The following PRL variants were observed in gnomAD, a reference collection of about 807,000 sequenced individuals.
PRL encodes decidual prolactin.
Under a neutral mutation model 21.3 loss-of-function variants are expected in PRL, and 24 were observed. That is an observed-to-expected ratio of 1.13 (90% CI 0.82 to 1.59). The LOEUF (loss-of-function observed/expected upper bound fraction) is 1.59, where lower values mean the gene tolerates loss of function less well. Ranked by LOEUF, PRL falls within the 40% of genes most tolerant of loss-of-function variation. The pLI is 0.00. For missense variants in PRL, 243 were observed against 286.9 expected, an observed-to-expected ratio of 0.85 and a Z score of 1.10; for synonymous variants, 118 against 115.7, an observed-to-expected ratio of 1.02 and a Z score of -0.13.
In PRL at chr6:22,288,885, CGT is replaced by C. The variant is rs1156374361; in HGVS notation, c.492+1287_492+1288del. ...GTGTGTGTGTGTGTATGCGCGTGCG[CGT>C]GTGTGTGCGTGTGTGCGCGCGCGTG... On this transcript the variant is annotated intron_variant, in intron 4 of 4. Coordinates refer to ENST00000306482, the MANE Select transcript of PRL (RefSeq NM_000948.6). The surrounding 1 kb of genome is among the most constrained non-coding windows in gnomAD (Gnocchi z 4.5). 6.6e-5 allele frequency among the ~76,000 whole-genome samples: 10 copies of C among 151,076 alleles called. No homozygotes were observed. The highest frequency in any genetic ancestry group is 1.3e-4 in the Admixed American group (2 of 15,186).
chr6:22,297,781 A>C (rs911404784), upstream of PRL, among the ~76,000 whole-genome samples: 12 of 152,224 alleles, frequency 7.9e-5, no homozygotes, highest in African/African-American at 2.9e-4. Context: ...AAAGGTAAAG[A>C]ATATGAAAGA....
intron 3 of PRL, 93 bp from the exon 4 acceptor site, chr6:22,290,446 T>A (rs1048387767): frequency 4.9e-6 from 5 of 1,018,472 alleles, no homozygotes; most frequent in Non-Finnish European, 6.6e-6. Context: ...TGTACTGAAA[T>A]ATCTTTTTTT....
At chr6:22,302,359 A>G (rs1761298365), upstream of PRL, among the ~76,000 whole-genome samples, 2 of 152,068 alleles carry the variant, frequency 1.3e-5, no homozygotes, top group Admixed American at 1.3e-4. Context: ...CAACAAAAAT[A>G]TGCAATTAGG....
chr6:22,297,929 A>T (rs1012433268), upstream of PRL, among the ~76,000 whole-genome samples: 1 of 152,234 alleles, frequency 6.6e-6, no homozygotes, highest in Non-Finnish European at 1.5e-5. Context: ...GAAAATCAGG[A>T]GTCATATGAG....
At chr6:22,300,612 GT>G (rs1761266454), upstream of PRL, among the ~76,000 whole-genome samples, 1 of 152,178 alleles carries the variant, frequency 6.6e-6, no homozygotes, top group Non-Finnish European at 1.5e-5. Context: ...TTTATCTAAA[GT>G]TTTTTCTTTT....
intron 3 of PRL, 134 bp from the exon 4 acceptor site, chr6:22,290,487 G>T: frequency 1.5e-6 from 1 of 670,754 alleles, no homozygotes; most frequent in Non-Finnish European, 2.1e-6. Context: ...TTTTCTTTAG[G>T]TGAGAGAATT....
intron 2 of PRL, 56 bp from the exon 3 acceptor site, chr6:22,292,701 G>T: frequency 7.8e-6 from 11 of 1,403,142 alleles, no homozygotes; most frequent in South Asian, 2.5e-5. Context: ...TTGAATAAAT[G>T]AATCCATTAG....
At chr6:22,297,466 T>G (rs1161055668), upstream of PRL, 1 of 154,546 alleles carries the variant, frequency 6.5e-6, no homozygotes, top group East Asian at 1.9e-4. Context: ...ATTTTAAAAT[T>G]TTTACACTAA....
upstream of PRL, chr6:22,297,088 A>G (rs949356319): frequency 3.9e-5 from 45 of 1,150,328 alleles, no homozygotes; most frequent in Middle Eastern, 1.2e-3. Context: ...ATCTTCATGA[A>G]TATAATGAAT....
chr6:22,291,544 AT>A lies in PRL; in HGVS notation c.312+993del, dbSNP rs535452386. On this transcript the variant is annotated intron_variant, in intron 3 of 4. Coordinates refer to ENST00000306482, the MANE Select transcript of PRL (RefSeq NM_000948.6). ...TGAAATCTGAAATACTCCAATGAGCATTTTTTTTTTAGCATCATGTAGGTGC... is the reference window on the plus strand; with the variant it reads ...TGAAATCTGAAATACTCCAATGAGCATTTTTTTTTAGCATCATGTAGGTGC... 2.0e-3 allele frequency among the ~76,000 whole-genome samples: 300 copies of A among 149,138 alleles called. 1 individual carries two copies. The highest frequency in any genetic ancestry group is 5.0e-3 in the African/African-American group (205 of 40,846).
At position 22,287,320 on chromosome 6, in the gene PRL, C is replaced by G. The variant is rs1455570240; in HGVS notation, c.*82G>C. ...GACCTGTTACACCCAAGCATGGATT[C>G]AAAAGAGATACAACTAAAAGAAGCT... On this transcript the variant is annotated 3_prime_UTR_variant, in exon 5 of 5. Transcript: ENST00000306482. 66 of 1,380,098 alleles carry G rather than the reference C, an allele frequency of 4.8e-5. 1 individual carries two copies. The highest frequency in any genetic ancestry group is 2.0e-6 in the Non-Finnish European group (2 of 1,022,942). 85.5% of individuals were successfully genotyped at this position (1,380,098 alleles called of 1,614,324 possible). A position where few individuals can be genotyped will look rare whatever the true frequency, so the allele number is the denominator to read the frequency against.
upstream of PRL, among the ~76,000 whole-genome samples, chr6:22,299,875 A>C (rs1314294511): frequency 6.6e-6 from 1 of 152,144 alleles, no homozygotes; most frequent in Non-Finnish European, 1.5e-5. Flanking sequence ...ATAACCTAGG[A>C]GGTGTCTACT....
intron 4 of PRL, 136 bp downstream of exon 4, chr6:22,290,038 G>T (rs1006998651): frequency 6.6e-6 from 5 of 754,682 alleles, no homozygotes; most frequent in African/African-American, 1.8e-5. Flanking sequence ...TGAATGACTA[G>T]GCTCTTGCTT....
intron 3 of PRL, 74 bp from the exon 4 acceptor site, chr6:22,290,427 T>C: frequency 8.0e-7 from 1 of 1,254,462 alleles, no homozygotes; most frequent in South Asian, 2.5e-5. Flanking sequence ...GATTTTTGCT[T>C]AGAGAGGCTG....
At chr6:22,290,087 C>T (rs904105404) in intron 4 of PRL, 87 bp downstream of exon 4, 66 of 1,308,898 alleles carry the variant, frequency 5.0e-5, no homozygotes, top group Non-Finnish European at 6.0e-5. Flanking sequence ...GCCTAAATTT[C>T]CTTCTTTCAA....
At chr6:22,300,160 T>G (rs908341333), upstream of PRL, among the ~76,000 whole-genome samples, 1 of 151,914 alleles carries the variant, frequency 6.6e-6, no homozygotes, top group South Asian at 2.1e-4. Context: ...TCAATAGTGG[T>G]TTTTTTTGAA....
At chr6:22,296,471 C>A (rs1352930683) in intron 1 of PRL, among the ~76,000 whole-genome samples, 1 of 152,220 alleles carries the variant, frequency 6.6e-6, no homozygotes, top group East Asian at 1.9e-4. Flanking sequence ...GTTGGCCAAT[C>A]CACATTAGAG....
At chr6:22,294,679 T>C in intron 1 of PRL, 95 bp from the exon 2 acceptor site, 1 of 1,315,072 alleles carries the variant, frequency 7.6e-7, no homozygotes, top group African/African-American at 1.5e-5. Flanking sequence ...TGCTCCCCAC[T>C]GCCCTCAGCT....
intron 1 of PRL, 32 bp from the exon 2 acceptor site, chr6:22,294,616 A>G (rs757861806): frequency 6.6e-7 from 1 of 1,517,590 alleles, no homozygotes; most frequent in Non-Finnish European, 8.8e-7. Context: ...CCACTCTGAG[A>G]TGATTTATTC....
Sources: gnomAD v4.1 joint callset for allele counts (sites outside exome capture counted in the v4.1 genomes callset) on GRCh38, gnomAD v4.1.1 for gene constraint, Gnocchi (gnomAD v3.1) non-coding constraint, MANE v1.5 for transcripts, NCBI Gene and HGNC (gene_info 2026-07-23, HGNC 2026-07-21) for gene names.